The following MTHFD2L variants were observed in gnomAD, a reference collection of about 807,000 sequenced individuals.
MTHFD2L encodes the protein methylenetetrahydrofolate dehydrogenase (NADP+ dependent) 2 like.
A neutral mutation model predicts 34.9 loss-of-function variants in MTHFD2L; 29 were observed. The ratio of observed to expected loss-of-function variants is 0.83; its 90% CI spans 0.62 to 1.13. MTHFD2L has a LOEUF of 1.13. MTHFD2L is among the 50% of genes most tolerant of loss of function. The pLI is 0.00. For missense variants in MTHFD2L, 481 were observed against 446.5 expected (o/e 1.08, Z -0.70); for synonymous variants, 167 against 155.7 (o/e 1.07, Z -0.54).
intron 6 of MTHFD2L, among the ~76,000 whole-genome samples, chr4:74,260,124 A>G (rs1378701660): frequency 6.6e-6 from 1 of 152,116 alleles, no homozygotes; most frequent in African/African-American, 2.4e-5. Flanking sequence ...TGTCAACTCA[A>G]TTGCCTGTGG....
intron 5 of MTHFD2L, among the ~76,000 whole-genome samples, 198 bp downstream of exon 5, chr4:74,201,568 A>AT (rs5859422): frequency 3.5e-5 from 5 of 141,278 alleles, no homozygotes; most frequent in African/African-American, 1.3e-4. Context: ...CATTTTCTCT[A>AT]TTTTTTTTTT....
intron 6 of MTHFD2L, among the ~76,000 whole-genome samples, chr4:74,246,912 T>A (rs1258949065): frequency 6.6e-6 from 1 of 152,222 alleles, no homozygotes; most frequent in African/African-American, 2.4e-5. Context: ...TCAGGTAGCA[T>A]GATGTCTCCA....
chr4:74,187,583 A>G (rs1215720224), intron 3 of MTHFD2L, among the ~76,000 whole-genome samples: 1 of 152,200 alleles, frequency 6.6e-6, no homozygotes, highest in Non-Finnish European at 1.5e-5. Context: ...AACCCATTAG[A>G]ATGGCTGAAA....
At chr4:74,293,940 T>C (rs1749316052) in intron 7 of MTHFD2L, among the ~76,000 whole-genome samples, 1 of 152,158 alleles carries the variant, frequency 6.6e-6, no homozygotes, top group African/African-American at 2.4e-5. Flanking sequence ...GAGGATGAAA[T>C]TCACATGAGA....
chr4:74,179,555 T>G (rs1729706486), intron 3 of MTHFD2L, among the ~76,000 whole-genome samples: 1 of 152,092 alleles, frequency 6.6e-6, no homozygotes, highest in Non-Finnish European at 1.5e-5. Flanking sequence ...ATATACAGTC[T>G]GAATTTATAA....
At chr4:74,228,598 T>G (rs1032619951) in intron 6 of MTHFD2L, among the ~76,000 whole-genome samples, 1 of 152,336 alleles carries the variant, frequency 6.6e-6, no homozygotes, top group East Asian at 1.9e-4. Flanking sequence ...CAAGAAACAC[T>G]GATATTCTCT....
chr4:74,207,101 T>A (rs895131493), intron 5 of MTHFD2L, among the ~76,000 whole-genome samples: 1 of 151,966 alleles, frequency 6.6e-6, no homozygotes, highest in Non-Finnish European at 1.5e-5. Context: ...GGTCTCCTTA[T>A]GTTGCCCAGG....
At chr4:74,248,313 G>A (rs903759072) in intron 6 of MTHFD2L, among the ~76,000 whole-genome samples, 1 of 152,176 alleles carries the variant, frequency 6.6e-6, no homozygotes, top group Non-Finnish European at 1.5e-5. Flanking sequence ...ATTTCTGTGG[G>A]ATCAGTGGTG....
At chr4:74,170,825 G>T (rs1025928925) in intron 1 of MTHFD2L, among the ~76,000 whole-genome samples, 4 of 151,992 alleles carry the variant, frequency 2.6e-5, no homozygotes, top group Admixed American at 2.6e-4. Flanking sequence ...CATGTCCTTT[G>T]TAGGGACATG....
chr4:74,196,295 G>A (rs1349799838), intron 3 of MTHFD2L, among the ~76,000 whole-genome samples: 1 of 152,094 alleles, frequency 6.6e-6, no homozygotes, highest in Non-Finnish European at 1.5e-5. Flanking sequence ...TGAGAAGAAA[G>A]GATTAGTAGT....
chr4:74,178,067 A>G (rs1475190706), intron 3 of MTHFD2L, among the ~76,000 whole-genome samples: 2 of 151,896 alleles, frequency 1.3e-5, no homozygotes, highest in Admixed American at 6.6e-5. Context: ...ACATAGAGTT[A>G]ATGGTGGTTA....
Position 74,180,296 on chromosome 4 carries a change from A to G in MTHFD2L, c.451+4893A>G, listed in dbSNP as rs144088636. Reference sequence around the variant, plus strand: ...ATTGGCTGTATAGAAGTAGATGAATACAGCCTCTCCTATGTATATCTCATA... The same window carrying G: ...ATTGGCTGTATAGAAGTAGATGAATGCAGCCTCTCCTATGTATATCTCATA... On this transcript the variant is annotated intron_variant, in intron 3 of 7. Coordinates refer to ENST00000325278, the MANE Select transcript of MTHFD2L (RefSeq NM_001144978.3). 5.9e-3 allele frequency among the ~76,000 whole-genome samples: 905 copies of G among 152,278 alleles called. 29 individuals are homozygous for G. The South Asian group carries it at 0.081, about 14-fold the overall frequency.
chr4:74,164,791 G>T (rs1385812464), intron 1 of MTHFD2L, among the ~76,000 whole-genome samples: 1 of 152,222 alleles, frequency 6.6e-6, no homozygotes, highest in East Asian at 1.9e-4. Flanking sequence ...ACATAGTGCT[G>T]CCCTGCTACT....
Position 74,215,927 on chromosome 4 carries a change from A to G in MTHFD2L, c.713-9375A>G, listed in dbSNP as rs149925972. 2.9e-4 allele frequency among the ~76,000 whole-genome samples: 44 copies of G among 151,674 alleles called. 2 individuals carry two copies. Among genetic ancestry groups the G allele is most frequent in the African/African-American group, 1.1e-3 (44 of 41,034 alleles). ...TAATTGAGTTTGAACTAGATGTGCT[A>G]TGATTGGGTCACTAATTTTATCCTG... is the stretch of plus-strand genomic sequence containing the variant. On this transcript the variant is annotated intron_variant, in intron 5 of 7. Coordinates refer to ENST00000325278, the MANE Select transcript of MTHFD2L (RefSeq NM_001144978.3).
intron 6 of MTHFD2L, among the ~76,000 whole-genome samples, chr4:74,268,470 A>G (rs115456235): frequency 5.5e-4 from 84 of 152,168 alleles, no homozygotes; most frequent in African/African-American, 1.9e-3. Flanking sequence ...CCAAGAAATC[A>G]TTTAGCCTCT....
chr4:74,199,694 C>A (rs551004413), intron 3 of MTHFD2L, 100 bp from the exon 4 acceptor site: 6 of 1,007,206 alleles, frequency 6.0e-6, no homozygotes, highest in Non-Finnish European at 7.0e-6. Context: ...TTTTTAGAGC[C>A]GAATTATAAG....
At chr4:74,221,290 TATAGTC>T (rs1229558982) in intron 5 of MTHFD2L, among the ~76,000 whole-genome samples, 2 of 151,746 alleles carry the variant, frequency 1.3e-5, no homozygotes, top group African/African-American at 4.8e-5. Context: ...CTGAGTTTGA[TATAGTC>T]ATATATATAA....
chr4:74,146,360 TAA>T (rs1270446494), intron 1 of MTHFD2L, among the ~76,000 whole-genome samples: 1 of 152,208 alleles, frequency 6.6e-6, no homozygotes, highest in Non-Finnish European at 1.5e-5. Flanking sequence ...TAAATTGTGA[TAA>T]GTTGTACATA....
intron 3 of MTHFD2L, among the ~76,000 whole-genome samples, chr4:74,182,131 T>C (rs934413741): frequency 6.6e-5 from 10 of 152,208 alleles, no homozygotes; most frequent in African/African-American, 1.9e-4. Flanking sequence ...ATATTTCCTT[T>C]CTCTATGGGA....
Sources: gnomAD v4.1 joint callset for allele counts (sites outside exome capture counted in the v4.1 genomes callset) on GRCh38, gnomAD v4.1.1 for gene constraint, MANE v1.5 for transcripts, NCBI Gene and HGNC (gene_info 2026-07-23, HGNC 2026-07-21) for gene names.